ZNF330: variants seen among roughly 807,000 people sequenced by gnomAD.
The protein encoded by ZNF330 is zinc finger protein 330.
A neutral mutation model predicts 45.5 loss-of-function variants in ZNF330; 31 were observed. The ratio of observed to expected loss-of-function variants is 0.68; its 90% confidence interval spans 0.51 to 0.92. The LOEUF is 0.92. Among genes scored for constraint, ZNF330 ranks in the 40% least tolerant of loss-of-function variants. The probability of loss-of-function intolerance (pLI) is 0.00; values close to 1 mark genes in which losing one functional copy is unlikely to be tolerated. For synonymous variants in ZNF330, 138 were observed against 123.2 expected (o/e 1.12, Z -0.79); for missense variants, 356 against 387.4 (o/e 0.92, Z 0.68).
chr4:141,233,825 T>C lies in ZNF330; in HGVS notation c.799T>C (p.Tyr267His). The stretch of plus-strand genomic sequence containing the variant: ...ATCTGATAAGTATGGTGATACCAGC[T>C]ACCACGATGAGGAGGAGGATGAGTA... ...LSSDKYGDTS[Y>H]HDEEEDEYEA... Residue 267 changes from tyrosine (Y) to histidine (H), a missense_variant, in exon 10 of 10, where the codon TAC (tyrosine) becomes CAC (histidine). Coordinates refer to ENST00000262990, the MANE Select transcript of ZNF330 (RefSeq NM_014487.6). 6.2e-7 allele frequency: 1 copy of C among 1,613,708 alleles called. No individual in the cohort carries two copies. Among genetic ancestry groups the C allele is most frequent in the East Asian group, 2.2e-5 (1 of 44,880 alleles).
chr4:141,220,716 G>A (rs143791984), upstream of ZNF330, among the ~76,000 whole-genome samples: 3 of 152,324 alleles, frequency 2.0e-5, no homozygotes, highest in Non-Finnish European at 4.4e-5. Flanking sequence ...AAGTAAAACT[G>A]AGGGGGCCTT....
chr4:141,222,277 G>A (rs1728697258), intron 1 of ZNF330, 89 bp from the exon 2 acceptor site: 1 of 1,454,108 alleles, frequency 6.9e-7, no homozygotes, highest in Non-Finnish European at 9.2e-7. Flanking sequence ...ACAAGAAAAA[G>A]GACACTTTGT....
Position 141,229,616 on chromosome 4 carries a change from A to C in ZNF330, c.337A>C (p.Lys113Gln). The change falls in exon 6 of 10, where the codon AAA (lysine) becomes CAA (glutamine). Residue 113 changes from lysine (K) to glutamine (Q), a missense_variant. Lys to Gln is a moderately conservative substitution (Grantham distance 53). Transcript: ENST00000262990. Reference sequence around the variant, plus strand: ...TGAAGCTTGGGTTTGCCATGGTAGGAAATGTCTCAGTACACATGCTTGTGC... The same window carrying C: ...TGAAGCTTGGGTTTGCCATGGTAGGCAATGTCTCAGTACACATGCTTGTGC... Reference protein sequence around the residue: ...FCEAWVCHGRKCLSTHACACP... With the variant: ...FCEAWVCHGRQCLSTHACACP... 2 of 1,613,110 alleles carry C rather than the reference A, an allele frequency of 1.2e-6. No individual in the cohort carries two copies. Among genetic ancestry groups the C allele is most frequent in the Non-Finnish European group, 1.7e-6 (2 of 1,179,260 alleles).
At position 141,231,117 on chromosome 4, in the gene ZNF330, C is replaced by G. The variant is rs555187321; in HGVS notation, c.524-322C>G. Among the ~76,000 whole-genome samples the G allele has an allele frequency of 1.1e-3, 174 of 152,140 alleles. 1 individual carries two copies. Among genetic ancestry groups the G allele is most frequent in the Non-Finnish European group, 1.9e-3 (126 of 67,980 alleles). ...TGATATACATACAACATACATACTA[C>G]ACACACATAGACACACAATGTGTAT... On this transcript the variant is annotated intron_variant, in intron 7 of 9. Coordinates refer to ENST00000262990, the MANE Select transcript of ZNF330 (RefSeq NM_014487.6).
In ZNF330 at chr4:141,231,474, C is replaced by G; in HGVS notation, c.559C>G (p.Leu187Val). 1 of 1,603,720 alleles carries G rather than the reference C, an allele frequency of 6.2e-7. No individual in the cohort carries two copies. Among genetic ancestry groups the G allele is most frequent in the Non-Finnish European group, 8.5e-7 (1 of 1,175,610 alleles). Reference protein sequence around the residue: ...SCNRLGQHSCLRCKACFCDDH... With the variant: ...SCNRLGQHSCVRCKACFCDDH... The stretch of plus-strand genomic sequence containing the variant: ...CAATCGGCTTGGTCAGCACTCATGT[C>G]TCCGTTGTAAGGTATACCAATGCGT... Residue 187 changes from leucine (L) to valine (V), a missense_variant, in exon 8 of 10, where the codon CTC becomes GTC. Transcript: ENST00000262990.
intron 1 of ZNF330, among the ~76,000 whole-genome samples, chr4:141,222,080 T>G (rs1050366138): frequency 6.6e-6 from 1 of 152,202 alleles, no homozygotes; most frequent in Non-Finnish European, 1.5e-5. Context: ...GGAGAAACTT[T>G]TTTCTTAGTG....
intron 5 of ZNF330, among the ~76,000 whole-genome samples, chr4:141,229,070 GA>G (rs149183122): frequency 0.011 from 1,599 of 151,918 alleles, 28 homozygotes; most frequent in African/African-American, 0.037. Context: ...TGTCATAAGA[GA>G]AAAAAAGAAG....
intron 8 of ZNF330, 119 bp from the exon 9 acceptor site, chr4:141,232,406 C>T: frequency 2.0e-6 from 1 of 492,650 alleles, no homozygotes; most frequent in Non-Finnish European, 3.4e-6. Context: ...GTGACTGCTC[C>T]CAACAAAATT....
rs1729029955 is a variant in ZNF330, at chr4:141,234,266, G to T, written c.*277G>T. On this transcript the variant is annotated 3_prime_UTR_variant, in exon 10 of 10. Coordinates refer to ENST00000262990, the MANE Select transcript of ZNF330 (RefSeq NM_014487.6). ...TACTGATTTCAGTAAAGTATGTTTT[G>T]CCAATTAGATACATATATACAAGAT... The T allele has an allele frequency of 6.0e-6, 2 of 335,438 alleles. No homozygotes were observed. The highest frequency in any genetic ancestry group is 4.3e-5 in the African/African-American group (2 of 47,000). 20.8% of individuals were successfully genotyped at this position (335,438 alleles called of 1,614,324 possible).
At position 141,234,613 on chromosome 4, in the gene ZNF330, A is replaced by C. The variant is rs1729042232; in HGVS notation, c.*624A>C. On this transcript the variant is annotated 3_prime_UTR_variant, in exon 10 of 10. Coordinates refer to ENST00000262990, the MANE Select transcript of ZNF330 (RefSeq NM_014487.6). ...GTGACTAGTTAGCCATTTTTCAGAG[A>C]TACAGTATCAGAAATAGTATTATTA... 1 of 152,184 alleles carries C rather than the reference A, an allele frequency of 6.6e-6. No individual in the cohort carries two copies. Among genetic ancestry groups the C allele is most frequent in the South Asian group, 2.1e-4 (1 of 4,824 alleles). 9.4% of individuals were successfully genotyped at this position (152,184 alleles called of 1,614,324 possible).
In ZNF330 at chr4:141,233,824, C is replaced by T. The variant is rs1201618829; in HGVS notation, c.798C>T (p.Ser266=). 6 of 1,613,512 alleles carry T rather than the reference C, an allele frequency of 3.7e-6. No individual in the cohort carries two copies. In the Admixed American group the frequency reaches 1.0e-4, roughly 27 times the overall value. ...CATCTGATAAGTATGGTGATACCAG[C>T]TACCACGATGAGGAGGAGGATGAGT... ...NLSSDKYGDT[S]YHDEEEDEYE... Residue 266 remains serine, a synonymous_variant, in exon 10 of 10, where the codon AGC becomes AGT. Coordinates refer to ENST00000262990, the MANE Select transcript of ZNF330 (RefSeq NM_014487.6).
Position 141,232,633 on chromosome 4 carries a change from A to G in ZNF330, c.679A>G (p.Ser227Gly). 6.4e-7 allele frequency: 1 copy of G among 1,559,406 alleles called. No individual in the cohort carries two copies. The highest frequency in any genetic ancestry group is 1.2e-5 in the South Asian group (1 of 80,024). Residue 227 changes from serine to glycine, a missense_variant, in exon 9 of 10, where the codon AGC (serine) becomes GGC (glycine). By Grantham distance (56) the Ser-to-Gly change is moderately conservative (BLOSUM62 0). Transcript: ENST00000262990. ...GHETQETKDL[S>G]MSTRSLKFGR... ...TGAAACTCAGGAGACTAAGGACCTT[A>G]GCATGTCAAGTAAGGCCCTTAAGAT... is the stretch of plus-strand genomic sequence containing the variant.
intron 5 of ZNF330, among the ~76,000 whole-genome samples, chr4:141,227,437 C>T (rs1239961199): frequency 6.6e-6 from 1 of 152,052 alleles, no homozygotes; most frequent in Non-Finnish European, 1.5e-5. Flanking sequence ...TGGATTCCAG[C>T]TTCATCCGTG....
intron 5 of ZNF330, 62 bp downstream of exon 5, chr4:141,226,908 T>A: frequency 1.5e-6 from 2 of 1,339,870 alleles, no homozygotes; most frequent in Non-Finnish European, 2.1e-6. Context: ...GTCATTCTGA[T>A]CAGTGGTTAT....
chr4:141,225,193 G>A (rs1008854569), intron 4 of ZNF330, among the ~76,000 whole-genome samples: 1 of 152,000 alleles, frequency 6.6e-6, no homozygotes, highest in Non-Finnish European at 1.5e-5. Flanking sequence ...TTTAAATAGA[G>A]TTCTTAAGTC....
chr4:141,232,707 T>A (rs1288741977), intron 9 of ZNF330, 65 bp downstream of exon 9: 5 of 885,988 alleles, frequency 5.6e-6, no homozygotes, highest in African/African-American at 1.7e-5. Context: ...TTTATCTTTT[T>A]TTTTTTTGGT....
chr4:141,230,767 C>A (rs1728931259), intron 7 of ZNF330, among the ~76,000 whole-genome samples: 1 of 151,986 alleles, frequency 6.6e-6, no homozygotes, highest in African/African-American at 2.4e-5. Flanking sequence ...CTTTTAAGTC[C>A]GTGGTGGGTG....
At position 141,220,949 on chromosome 4, in the gene ZNF330, C is replaced by T. The variant is rs1392118681; in HGVS notation, c.-166C>T. 2 of 152,300 alleles carry T rather than the reference C, an allele frequency of 1.3e-5. No homozygotes were observed. Among genetic ancestry groups the T allele is most frequent in the East Asian group, 3.9e-4 (2 of 5,188 alleles). 9.4% of individuals were successfully genotyped at this position (152,300 alleles called of 1,614,324 possible). Reference sequence around the variant, plus strand: ...CCTAGTGTCCGGAATCGGCTGTCAGCCTCCCTGGCTGTTAGTACCTTCTTT... The same window carrying T: ...CCTAGTGTCCGGAATCGGCTGTCAGTCTCCCTGGCTGTTAGTACCTTCTTT... On this transcript the variant is annotated 5_prime_UTR_variant, in exon 1 of 10. Coordinates refer to ENST00000262990, the MANE Select transcript of ZNF330 (RefSeq NM_014487.6).
At chr4:141,222,089 T>C (rs1338832531) in intron 1 of ZNF330, among the ~76,000 whole-genome samples, 3 of 152,096 alleles carry the variant, frequency 2.0e-5, no homozygotes, top group Admixed American at 2.0e-4. Context: ...TTTTTCTTAG[T>C]GGGAAAAGAA....
Sources: gnomAD v4.1 joint callset for allele counts (sites outside exome capture counted in the v4.1 genomes callset) on GRCh38, gnomAD v4.1.1 for gene constraint, MANE v1.5 for transcripts, NCBI Gene and HGNC (gene_info 2026-07-23, HGNC 2026-07-21) for gene names.